The following HPGDS variants were observed in gnomAD, a reference collection of about 807,000 sequenced individuals.
HPGDS encodes GST class-sigma.
Under a neutral mutation model 23.1 loss-of-function variants are expected in HPGDS, and 26 were observed. The observed-to-expected ratio is 1.13, with a 90% CI of 0.83 to 1.56. HPGDS has a LOEUF of 1.56. Ranked by LOEUF, HPGDS falls within the 40% of genes most tolerant of loss-of-function variation. The pLI is 0.00. For synonymous variants in HPGDS, 95 were observed against 77.9 expected, an observed-to-expected ratio of 1.22 and a Z score of -1.16; for missense variants, 268 against 236.4, an observed-to-expected ratio of 1.13 and a Z score of -0.88.
At chr4:94,317,414 C>G (rs530856161) in intron 3 of HPGDS, among the ~76,000 whole-genome samples, 14 of 152,238 alleles carry the variant, frequency 9.2e-5, no homozygotes, top group African/African-American at 3.1e-4. Flanking sequence ...TCAGATGGCA[C>G]TGAGTGGAAG....
At chr4:94,319,021 A>G (rs1418133802) in intron 2 of HPGDS, among the ~76,000 whole-genome samples, 1 of 152,118 alleles carries the variant, frequency 6.6e-6, no homozygotes, top group Non-Finnish European at 1.5e-5. Flanking sequence ...CCTATGGATG[A>G]AATGTTCTGT....
At chr4:94,304,416 C>G (rs1305469928) in intron 4 of HPGDS, among the ~76,000 whole-genome samples, 1 of 151,910 alleles carries the variant, frequency 6.6e-6, no homozygotes, top group African/African-American at 2.4e-5. Flanking sequence ...GCTTTTAATT[C>G]TTTTTTTATT....
chr4:94,320,326 G>A (rs1244963840), intron 2 of HPGDS, among the ~76,000 whole-genome samples: 1 of 152,084 alleles, frequency 6.6e-6, no homozygotes, highest in East Asian at 1.9e-4. Context: ...AGATCCTTGA[G>A]GAATCACCAC....
chr4:94,316,436 T>C (rs952610891), intron 3 of HPGDS, among the ~76,000 whole-genome samples: 10 of 152,240 alleles, frequency 6.6e-5, no homozygotes, highest in African/African-American at 2.2e-4. Context: ...ACCATTTCAA[T>C]GATCTCTTAA....
intron 2 of HPGDS, among the ~76,000 whole-genome samples, chr4:94,318,248 T>TA (rs887819503): frequency 6.6e-5 from 10 of 152,026 alleles, no homozygotes; most frequent in East Asian, 5.8e-4. Flanking sequence ...TGCTTACTGT[T>TA]AAAAAAAATT....
intron 1 of HPGDS, among the ~76,000 whole-genome samples, chr4:94,337,213 C>CA (rs974451838): frequency 1.0e-3 from 155 of 152,164 alleles, no homozygotes; most frequent in Middle Eastern, 6.8e-3. Context: ...TCAGGTAATC[C>CA]ACCCCCCTTG....
chr4:94,307,597 C>A (rs1024777210), intron 4 of HPGDS, among the ~76,000 whole-genome samples: 14 of 152,100 alleles, frequency 9.2e-5, no homozygotes, highest in African/African-American at 3.1e-4. Flanking sequence ...AAAGGGAATT[C>A]CAATGATGAC....
In HPGDS at chr4:94,314,315, T is replaced by C. The variant is rs148061347; in HGVS notation, c.226+3558A>G. On this transcript the variant is annotated intron_variant, in intron 3 of 5. Transcript: ENST00000295256. ...ATGATGGTGACGTACAGATGGAGTT[T>C]TGGTGTGGATGTCCTTTCTGTTTGT... 4.6e-3 allele frequency among the ~76,000 whole-genome samples: 703 copies of C among 152,340 alleles called. 3 individuals are homozygous for C. The highest frequency in any genetic ancestry group is 0.016 in the African/African-American group (660 of 41,580).
chr4:94,300,902 G>A (rs1056300809), intron 5 of HPGDS, among the ~76,000 whole-genome samples: 5 of 152,190 alleles, frequency 3.3e-5, no homozygotes, highest in African/African-American at 1.2e-4. Context: ...GTGGGAATGT[G>A]AGTTAGGTCT....
In HPGDS at chr4:94,299,284, G is replaced by T. The variant is rs1182395014; in HGVS notation, c.*196C>A. On this transcript the variant is annotated 3_prime_UTR_variant, in exon 6 of 6. Coordinates refer to ENST00000295256, the MANE Select transcript of HPGDS (RefSeq NM_014485.3). Reference sequence around the variant, plus strand: ...TTTCTGTAATTGTAAATGATGAGAAGCTATTCTGAAAGAAAAAGATACTGA... The same window carrying T: ...TTTCTGTAATTGTAAATGATGAGAATCTATTCTGAAAGAAAAAGATACTGA... The T allele has an allele frequency of 7.8e-6, 4 of 511,704 alleles. No individual in the cohort carries two copies. The highest frequency in any genetic ancestry group is 1.4e-5 in the Non-Finnish European group (4 of 293,694). The allele number at this position is 511,704 out of a possible 1,614,324, so 31.7% of individuals were successfully genotyped here.
In HPGDS at chr4:94,301,243, G is replaced by A. The variant is rs189043978; in HGVS notation, c.435+903C>T. ...CTCCCAAAATGCAGTCTCCCTGAAG[G>A]TAGAGACCTCCACCTACCACAACTT... On this transcript the variant is annotated intron_variant, in intron 5 of 5. Coordinates refer to ENST00000295256, the MANE Select transcript of HPGDS (RefSeq NM_014485.3). Among the ~76,000 whole-genome samples, 15 of 152,256 alleles carry A rather than the reference G, an allele frequency of 9.9e-5. No homozygotes were observed. The East Asian group carries it at 2.9e-3, about 29-fold the overall frequency.
chr4:94,328,726 C>T (rs1278945053), intron 2 of HPGDS, among the ~76,000 whole-genome samples: 1 of 152,150 alleles, frequency 6.6e-6, no homozygotes, highest in African/African-American at 2.4e-5. Flanking sequence ...AATGAAACAT[C>T]ATCTTTTTAA....
chr4:94,299,521 C>CG lies in HPGDS; in HGVS notation c.558dup (p.Val187ArgfsTer3). 9 of 1,613,442 alleles carry CG rather than the reference C, an allele frequency of 5.6e-6. No homozygotes were observed. The highest frequency in any genetic ancestry group is 7.6e-6 in the Non-Finnish European group (9 of 1,179,846). On this transcript the variant is annotated frameshift_variant, in exon 6 of 6. Transcript: ENST00000295256. LOFTEE classifies it high-confidence loss of function. ...GGCCTTCGTTTTATCCAGTTAGCGA[C>CG]GGCAGGAATGGCTTGGACTTTCTTC... is the stretch of plus-strand genomic sequence containing the variant.
At chr4:94,311,245 C>G (rs1220583079) in intron 3 of HPGDS, among the ~76,000 whole-genome samples, 1 of 151,946 alleles carries the variant, frequency 6.6e-6, no homozygotes, top group Non-Finnish European at 1.5e-5. Context: ...CCAGTTTTTG[C>G]CCATTCAGTA....
intron 3 of HPGDS, among the ~76,000 whole-genome samples, chr4:94,314,317 G>A (rs1383248709): frequency 6.6e-6 from 1 of 152,106 alleles, no homozygotes; most frequent in Non-Finnish European, 1.5e-5. Context: ...ATGGAGTTTT[G>A]GTGTGGATGT....
At chr4:94,330,518 A>G (rs1756716211) in intron 2 of HPGDS, among the ~76,000 whole-genome samples, 1 of 152,176 alleles carries the variant, frequency 6.6e-6, no homozygotes. Flanking sequence ...TTCTCCATGG[A>G]TTAAAATTAT....
At chr4:94,310,312 G>A (rs985907336) in intron 3 of HPGDS, among the ~76,000 whole-genome samples, 1 of 152,132 alleles carries the variant, frequency 6.6e-6, no homozygotes, top group African/African-American at 2.4e-5. Flanking sequence ...TTTGTATAAG[G>A]TGTAAGGAAG....
chr4:94,340,314 T>TCTTTCTTTCTTTCTTTCTTTTTC (rs1560598045), intron 1 of HPGDS, among the ~76,000 whole-genome samples: 1 of 11,086 alleles, frequency 9.0e-5, no homozygotes, highest in Non-Finnish European at 1.7e-4. Flanking sequence ...TCTTTCTCTT[T>TCTTTCTTTCTTTCTTTCTTTTTC]TTTTTTTTTT....
chr4:94,325,861 G>T (rs1756620797), intron 2 of HPGDS, among the ~76,000 whole-genome samples: 1 of 152,110 alleles, frequency 6.6e-6, no homozygotes, highest in Non-Finnish European at 1.5e-5. Context: ...CCCATCTTCT[G>T]CATCAGTCAC....
Sources: allele counts gnomAD v4.1 joint callset (sites outside exome capture counted in the v4.1 genomes callset), GRCh38; gene constraint gnomAD v4.1.1; transcripts MANE v1.5; gene names NCBI Gene and HGNC (gene_info 2026-07-23, HGNC 2026-07-21).